Variants in LCLAT1 observed in about 807,000 individuals in gnomAD.
The protein encoded by LCLAT1 is lysocardiolipin acyltransferase 1, also known as 1-AGP acyltransferase 8.
In LCLAT1, 11 loss-of-function variants were observed where a neutral mutation model predicts 30.7. That is an observed-to-expected ratio of 0.36 (90% CI 0.23 to 0.59). The LOEUF (loss-of-function observed/expected upper bound fraction) is 0.59, where lower values mean the gene tolerates loss of function less well. Ranked by LOEUF, LCLAT1 falls within the 20% of genes least tolerant of loss-of-function variation. The probability of loss-of-function intolerance (pLI) is 0.77; values close to 1 mark genes in which losing one functional copy is unlikely to be tolerated. For missense variants in LCLAT1, 402 were observed against 458.6 expected (o/e 0.88, Z 1.13); for synonymous variants, 155 against 151.3 (o/e 1.02, Z -0.18).
intron 5 of LCLAT1, among the ~76,000 whole-genome samples, chr2:30,632,534 A>G (rs931289255): frequency 6.6e-6 from 1 of 152,246 alleles, no homozygotes; most frequent in Non-Finnish European, 1.5e-5. Context: ...AACAGACTTC[A>G]TCTCTCTCAA....
chr2:30,634,529 G>T (rs1344426198), intron 5 of LCLAT1, among the ~76,000 whole-genome samples: 1 of 152,200 alleles, frequency 6.6e-6, no homozygotes, highest in Non-Finnish European at 1.5e-5. Flanking sequence ...GGGAGGCTGA[G>T]GCAGGAGAAT....
intron 1 of LCLAT1, among the ~76,000 whole-genome samples, chr2:30,448,173 A>G (rs1462071369): frequency 6.6e-6 from 1 of 152,188 alleles, no homozygotes; most frequent in Non-Finnish European, 1.5e-5. Context: ...AGTAGATGAG[A>G]TTAGGGATTG....
Position 30,640,364 on chromosome 2 carries a change from G to C in LCLAT1, c.876G>C (p.Gln292His). ...AGAAGAATTTTTATTTTACCGGACAGAGTGTCATTCCACCTTGCAAGTCTG... is the reference window on the plus strand; with the variant it reads ...AGAAGAATTTTTATTTTACCGGACACAGTGTCATTCCACCTTGCAAGTCTG... ...QGEKNFYFTGQSVIPPCKSEL... is the reference protein window; with the variant it reads ...QGEKNFYFTGHSVIPPCKSEL... Residue 292 changes from glutamine (Q) to histidine (H), a missense_variant, in exon 6 of 6, where the codon CAG (glutamine) becomes CAC (histidine). Transcript: ENST00000379509. 1.9e-6 allele frequency: 3 copies of C among 1,614,212 alleles called. No homozygotes were observed. Among genetic ancestry groups the C allele is most frequent in the Non-Finnish European group, 1.7e-6 (2 of 1,180,040 alleles).
At chr2:30,544,466 A>G (rs1296542848) in intron 3 of LCLAT1, among the ~76,000 whole-genome samples, 4 of 152,126 alleles carry the variant, frequency 2.6e-5, no homozygotes, top group African/African-American at 9.7e-5. Flanking sequence ...TCTTTCTTCA[A>G]TTAGTTACCA....
chr2:30,485,088 TTA>T (rs1683500072), intron 1 of LCLAT1, among the ~76,000 whole-genome samples: 1 of 152,186 alleles, frequency 6.6e-6, no homozygotes, highest in South Asian at 2.1e-4. Flanking sequence ...GTTAAGTCAC[TTA>T]GTGTGATCTT....
At chr2:30,454,594 A>G (rs1046308178) in intron 1 of LCLAT1, among the ~76,000 whole-genome samples, 8 of 151,504 alleles carry the variant, frequency 5.3e-5, no homozygotes, top group African/African-American at 1.9e-4. Context: ...CTGGTACTAC[A>G]GGCATGTGCC....
At chr2:30,629,556 A>G (rs1273258418) in intron 5 of LCLAT1, among the ~76,000 whole-genome samples, 3 of 152,136 alleles carry the variant, frequency 2.0e-5, no homozygotes, top group South Asian at 2.1e-4. Flanking sequence ...GCAAAACTCC[A>G]TCTCAAAAAA....
chr2:30,556,525 A>G (rs1664925589), intron 3 of LCLAT1, among the ~76,000 whole-genome samples: 1 of 28,636 alleles, frequency 3.5e-5, no homozygotes, highest in East Asian at 1.5e-3. Context: ...TCAGGAAAAG[A>G]AAAAAAAATC....
At chr2:30,623,046 A>ATTT (rs34283582) in intron 5 of LCLAT1, among the ~76,000 whole-genome samples, 6 of 83,238 alleles carry the variant, frequency 7.2e-5, no homozygotes, top group South Asian at 4.0e-4. Context: ...AATTCAAAGA[A>ATTT]TTTTTTTTTT....
At chr2:30,463,263 T>C (rs1682256738) in intron 1 of LCLAT1, among the ~76,000 whole-genome samples, 1 of 152,274 alleles carries the variant, frequency 6.6e-6, no homozygotes, top group East Asian at 1.9e-4. Context: ...CCTATACAAT[T>C]TTGTAACCTA....
intron 3 of LCLAT1, among the ~76,000 whole-genome samples, chr2:30,554,093 T>G (rs1166531366): frequency 3.3e-5 from 5 of 152,178 alleles, no homozygotes; most frequent in Non-Finnish European, 7.4e-5. Flanking sequence ...TAAAAAAGAT[T>G]TAGAAACATT....
intron 1 of LCLAT1, among the ~76,000 whole-genome samples, 162 bp from the exon 2 acceptor site, chr2:30,525,425 A>G (rs1469454741): frequency 2.0e-5 from 3 of 152,172 alleles, no homozygotes; most frequent in Non-Finnish European, 4.4e-5. Flanking sequence ...CCAGTAGAGC[A>G]TGTAGGAGGG....
At chr2:30,633,460 G>A (rs530879185) in intron 5 of LCLAT1, among the ~76,000 whole-genome samples, 103 of 152,198 alleles carry the variant, frequency 6.8e-4, no homozygotes, top group Non-Finnish European at 1.1e-3. Flanking sequence ...AGGCCGAGGC[G>A]GGCGGATCAC....
At chr2:30,491,000 C>T (rs1683809978) in intron 1 of LCLAT1, among the ~76,000 whole-genome samples, 1 of 152,126 alleles carries the variant, frequency 6.6e-6, no homozygotes, top group African/African-American at 2.4e-5. Context: ...ACATTTTAGA[C>T]ATACTAGGTT....
chr2:30,642,607 T>A lies in LCLAT1; in HGVS notation c.*1988T>A, dbSNP rs1019950901. On this transcript the variant is annotated 3_prime_UTR_variant, in exon 6 of 6. Transcript: ENST00000379509. ...TGTTGGTAATGGAGCCGGTCTGCCCTTCCTACAAACTCAAGAGGCTCATTG... is the reference window on the plus strand; with the variant it reads ...TGTTGGTAATGGAGCCGGTCTGCCCATCCTACAAACTCAAGAGGCTCATTG... 3.7e-4 allele frequency: 57 copies of A among 152,102 alleles called. No homozygotes were observed. Among genetic ancestry groups the A allele is most frequent in the African/African-American group, 1.4e-3 (57 of 41,422 alleles). The allele number at this position is 152,102 out of a possible 1,614,324, so 9.4% of individuals were successfully genotyped here. A position where few individuals can be genotyped will look rare whatever the true frequency, so the allele number is the denominator to read the frequency against.
At chr2:30,497,025 G>A (rs1261552809) in intron 1 of LCLAT1, among the ~76,000 whole-genome samples, 2 of 152,172 alleles carry the variant, frequency 1.3e-5, no homozygotes, top group African/African-American at 4.8e-5. Flanking sequence ...AGATTCCCCT[G>A]CTAAGTTTCA....
chr2:30,608,044 T>G (rs1299734945), intron 5 of LCLAT1, among the ~76,000 whole-genome samples: 1 of 151,954 alleles, frequency 6.6e-6, no homozygotes, highest in Non-Finnish European at 1.5e-5. Flanking sequence ...TTTAAACATT[T>G]AGAAGTTTAC....
At chr2:30,551,687 C>G (rs367719057) in intron 3 of LCLAT1, among the ~76,000 whole-genome samples, 1 of 152,130 alleles carries the variant, frequency 6.6e-6, no homozygotes, top group Non-Finnish European at 1.5e-5. Context: ...GATCTGTTTC[C>G]TAGCCTTTTC....
chr2:30,467,274 C>CT (rs1026722019), intron 1 of LCLAT1, among the ~76,000 whole-genome samples: 4 of 152,092 alleles, frequency 2.6e-5, no homozygotes, highest in African/African-American at 9.7e-5. Flanking sequence ...TGAACTCATC[C>CT]TTTTTTATGG....
Sources: allele counts gnomAD v4.1 joint callset (sites outside exome capture counted in the v4.1 genomes callset), GRCh38; gene constraint gnomAD v4.1.1; transcripts MANE v1.5; gene names NCBI Gene and HGNC (gene_info 2026-07-23, HGNC 2026-07-21).